FAM222B: variants seen among roughly 807,000 people sequenced by gnomAD.
The protein encoded by FAM222B is protein FAM222B.
FAM222B carries 12 observed loss-of-function variants against 38.0 expected under a neutral mutation model. The observed-to-expected ratio is 0.32, with a 90% CI of 0.20 to 0.51. FAM222B has a LOEUF of 0.51. Ranked by LOEUF, FAM222B falls within the 20% of genes least tolerant of loss-of-function variation. The probability of loss-of-function intolerance (pLI) is 0.97; values close to 1 mark genes in which losing one functional copy is unlikely to be tolerated. For synonymous variants in FAM222B, 329 were observed against 317.2 expected, an observed-to-expected ratio of 1.04 and a Z score of -0.40; for missense variants, 716 against 754.2, an observed-to-expected ratio of 0.95 and a Z score of 0.59.
At chr17:28,842,438 G>C (rs1177088077) in intron 1 of FAM222B, among the ~76,000 whole-genome samples, 1 of 152,116 alleles carries the variant, frequency 6.6e-6, no homozygotes, top group African/African-American at 2.4e-5. Flanking sequence ...TGGAGGAAGG[G>C]ATGATACAAA....
intron 1 of FAM222B, chr17:28,812,095 TA>T (rs2037797488): frequency 6.6e-6 from 1 of 152,176 alleles, no homozygotes; most frequent in Non-Finnish European, 1.5e-5. Context: ...TAGAAACAGA[TA>T]ATCAAAATAA....
intron 1 of FAM222B, among the ~76,000 whole-genome samples, chr17:28,851,001 C>T (rs2039177078): frequency 6.6e-6 from 1 of 151,702 alleles, no homozygotes; most frequent in Non-Finnish European, 1.5e-5. Context: ...CGCCTGTAAT[C>T]CCACCTACTC....
intron 1 of FAM222B, among the ~76,000 whole-genome samples, chr17:28,808,786 A>G (rs1318548481): frequency 6.6e-6 from 1 of 152,238 alleles, no homozygotes; most frequent in African/African-American, 2.4e-5. Context: ...ATTGTTCTAA[A>G]TAAGTCTCTG....
chr17:28,778,631 G>C (rs2036004159), intron 1 of FAM222B, among the ~76,000 whole-genome samples: 1 of 138,712 alleles, frequency 7.2e-6, no homozygotes, highest in East Asian at 2.1e-4. Context: ...AGCTTCCTGA[G>C]TAGCTGGGAC....
At chr17:28,839,156 G>A (rs576668735) in intron 1 of FAM222B, among the ~76,000 whole-genome samples, 76 of 152,160 alleles carry the variant, frequency 5.0e-4, no homozygotes, top group African/African-American at 1.4e-3. Context: ...GCAGTGAGCC[G>A]AGATCGCGCC....
intron 1 of FAM222B, among the ~76,000 whole-genome samples, chr17:28,817,583 A>G (rs890111800): frequency 6.6e-6 from 1 of 151,982 alleles, no homozygotes; most frequent in Non-Finnish European, 1.5e-5. Context: ...TTAGCCGGCC[A>G]TGGTGGTCGC....
At chr17:28,767,767 C>A (rs548345516) in intron 1 of FAM222B, among the ~76,000 whole-genome samples, 1 of 152,320 alleles carries the variant, frequency 6.6e-6, no homozygotes, top group East Asian at 1.9e-4. Context: ...TGAGCCACCG[C>A]ACCCGGCCGA....
chr17:28,841,831 C>G (rs957412808), intron 1 of FAM222B, among the ~76,000 whole-genome samples: 1 of 152,152 alleles, frequency 6.6e-6, no homozygotes, highest in African/African-American at 2.4e-5. Context: ...ATTTTTCCTA[C>G]AGAAGTCTGA....
At chr17:28,841,583 C>T (rs932837446) in intron 1 of FAM222B, among the ~76,000 whole-genome samples, 17 of 152,066 alleles carry the variant, frequency 1.1e-4, no homozygotes, top group Non-Finnish European at 2.1e-4. Flanking sequence ...ACTACGTTGG[C>T]TAGGCTGGTC....
chr17:28,815,493 C>T (rs948842316), intron 1 of FAM222B, among the ~76,000 whole-genome samples: 1 of 151,350 alleles, frequency 6.6e-6, no homozygotes, highest in African/African-American at 2.4e-5. Context: ...GGATTACAGG[C>T]GTGAGCCACC....
At chr17:28,817,670 G>C (rs2038072583) in intron 1 of FAM222B, among the ~76,000 whole-genome samples, 1 of 152,144 alleles carries the variant, frequency 6.6e-6, no homozygotes, top group Non-Finnish European at 1.5e-5. Context: ...AGTGAGCTGA[G>C]ATTGTGCCAT....
intron 1 of FAM222B, among the ~76,000 whole-genome samples, chr17:28,824,159 G>A (rs1374592524): frequency 2.0e-5 from 3 of 151,010 alleles, no homozygotes. Flanking sequence ...TTAAAGGCGT[G>A]AGCCACCACG....
chr17:28,828,784 T>C (rs1245987126), intron 1 of FAM222B, among the ~76,000 whole-genome samples: 2 of 152,266 alleles, frequency 1.3e-5, no homozygotes, highest in East Asian at 3.9e-4. Context: ...CTTTTATTGT[T>C]CAGTTCTAAG....
chr17:28,837,058 G>A (rs1362287386), intron 1 of FAM222B, among the ~76,000 whole-genome samples: 1 of 152,204 alleles, frequency 6.6e-6, no homozygotes, highest in Non-Finnish European at 1.5e-5. Flanking sequence ...GGAGGCTGCA[G>A]TGAGCCAAGA....
chr17:28,827,403 A>G (rs1933273488), intron 1 of FAM222B, among the ~76,000 whole-genome samples: 1 of 152,164 alleles, frequency 6.6e-6, no homozygotes, highest in Non-Finnish European at 1.5e-5. Context: ...CCCTACCTAC[A>G]AAAAGCTCAC....
At chr17:28,778,680 TG>T (rs201567493) in intron 1 of FAM222B, among the ~76,000 whole-genome samples, 6,502 of 95,146 alleles carry the variant, frequency 0.068, 378 homozygotes, top group East Asian at 0.12. Context: ...ATTTTTTTTT[TG>T]TGTGTGTGTG....
chr17:28,804,395 C>T (rs1395106641), intron 1 of FAM222B, among the ~76,000 whole-genome samples: 2 of 151,956 alleles, frequency 1.3e-5, no homozygotes, highest in Non-Finnish European at 2.9e-5. Flanking sequence ...AGCGCAGTGG[C>T]GCGATCTCGG....
intron 1 of FAM222B, among the ~76,000 whole-genome samples, chr17:28,825,936 G>A (rs956865811): frequency 6.6e-6 from 1 of 150,882 alleles, no homozygotes; most frequent in Non-Finnish European, 1.5e-5. Context: ...CACCATGCCC[G>A]CCTAATTTTT....
chr17:28,758,974 G>A lies in FAM222B; in HGVS notation c.985C>T (p.His329Tyr). 1 of 1,611,748 alleles carries A rather than the reference G, an allele frequency of 6.2e-7. No homozygotes were observed. Among genetic ancestry groups the A allele is most frequent in the Non-Finnish European group, 8.5e-7 (1 of 1,179,072 alleles). Reference sequence around the variant, plus strand: ...AACGCGGCGGTGGCCGCGTGGGTGTGCTCCATGGGATTGACCACACATGAA... The same window carrying A: ...AACGCGGCGGTGGCCGCGTGGGTGTACTCCATGGGATTGACCACACATGAA... ...MPSCVVNPME[H>Y]THAATAALPA... The change falls in exon 3 of 3, where the codon CAC becomes TAC. Residue 329 changes from histidine to tyrosine, a missense_variant. By Grantham distance (83) the His-to-Tyr change is moderately conservative. Coordinates refer to ENST00000581407, the MANE Select transcript of FAM222B (RefSeq NM_001077498.3).
Sources: allele counts gnomAD v4.1 joint callset (sites outside exome capture counted in the v4.1 genomes callset), GRCh38; gene constraint gnomAD v4.1.1; transcripts MANE v1.5; gene names NCBI Gene and HGNC (gene_info 2026-07-23, HGNC 2026-07-21).